NKAIN2: variants seen among roughly 807,000 people sequenced by gnomAD.
NKAIN2 encodes sodium/potassium-transporting ATPase subunit beta-1-interacting protein 2.
Under a neutral mutation model 32.6 loss-of-function variants are expected in NKAIN2, and 14 were observed. That is an observed-to-expected ratio of 0.43 (90% CI 0.28 to 0.67). The LOEUF (loss-of-function observed/expected upper bound fraction) is 0.67. Among genes scored for constraint, NKAIN2 ranks in the 30% least tolerant of loss-of-function variants. The pLI is 0.17. For missense variants in NKAIN2, 198 were observed against 258.3 expected (o/e 0.77, Z 1.60); for synonymous variants, 80 against 87.2 (o/e 0.92, Z 0.46).
At chr6:123,911,721 C>T (rs1359480828) in intron 1 of NKAIN2, among the ~76,000 whole-genome samples, 7 of 148,850 alleles carry the variant, frequency 4.7e-5, no homozygotes, top group Admixed American at 3.4e-4. Flanking sequence ...TCTTTATTTA[C>T]AGCAATAAGT....
intron 4 of NKAIN2, among the ~76,000 whole-genome samples, chr6:124,778,767 C>T (rs1184669821): frequency 6.6e-6 from 1 of 152,038 alleles, no homozygotes; most frequent in African/African-American, 2.4e-5. Context: ...CCATTCTCAA[C>T]CTCTGCCTGC....
At chr6:124,037,961 C>G (rs1465008800) in intron 1 of NKAIN2, among the ~76,000 whole-genome samples, 1 of 152,074 alleles carries the variant, frequency 6.6e-6, no homozygotes, top group Non-Finnish European at 1.5e-5. Context: ...TAGAAGTTAG[C>G]GACAGCAAGA....
intron 3 of NKAIN2, among the ~76,000 whole-genome samples, chr6:124,437,286 G>A (rs970194407): frequency 2.0e-5 from 3 of 152,258 alleles, no homozygotes; most frequent in Admixed American, 1.3e-4. Context: ...ATCCAGTGGC[G>A]CCATGCCTGG....
chr6:123,930,222 G>A (rs1271187599), intron 1 of NKAIN2, among the ~76,000 whole-genome samples: 3 of 152,202 alleles, frequency 2.0e-5, no homozygotes, highest in African/African-American at 7.2e-5. Flanking sequence ...ATAATTAAGG[G>A]CAAAGCTTCA....
At chr6:124,196,063 A>G (rs1276432890) in intron 1 of NKAIN2, among the ~76,000 whole-genome samples, 6 of 152,272 alleles carry the variant, frequency 3.9e-5, no homozygotes, top group South Asian at 4.1e-4. Flanking sequence ...TGGGTTTAAG[A>G]AAAGCTATTT....
intron 1 of NKAIN2, among the ~76,000 whole-genome samples, chr6:124,268,339 A>C (rs1339423099): frequency 6.6e-6 from 1 of 152,232 alleles, no homozygotes; most frequent in Non-Finnish European, 1.5e-5. Flanking sequence ...TCTGTGCTTT[A>C]GAGAGTTCCT....
chr6:124,431,079 A>G (rs1775198644), intron 3 of NKAIN2, among the ~76,000 whole-genome samples: 1 of 152,176 alleles, frequency 6.6e-6, no homozygotes, highest in Non-Finnish European at 1.5e-5. Flanking sequence ...ATTTTTAGAG[A>G]GACTAATTCC....
chr6:124,559,424 G>A (rs1057140912), intron 3 of NKAIN2, among the ~76,000 whole-genome samples: 3 of 152,156 alleles, frequency 2.0e-5, no homozygotes, highest in African/African-American at 7.2e-5. Context: ...ATGGATCAAT[G>A]TTCCTAGCCT....
rs1562367788 is a variant in NKAIN2, at chr6:124,759,648, CA to C, written c.475-31690del. Among the ~76,000 whole-genome samples the C allele has an allele frequency of 4.4e-4, 43 of 97,944 alleles. 1 individual carries two copies. The highest frequency in any genetic ancestry group is 1.1e-3 in the African/African-American group (33 of 30,836). The allele number at this position is 97,944 out of a possible 152,430, so 64.3% of individuals were successfully genotyped here. A position where few individuals can be genotyped will look rare whatever the true frequency, so the allele number is the denominator to read the frequency against. Reference sequence around the variant, plus strand: ...ACACACACACACACACACACACACACACACACACCCCCTATCTCCCTTTCCT... The same window carrying C: ...ACACACACACACACACACACACACACCACACACCCCCTATCTCCCTTTCCT... On this transcript the variant is annotated intron_variant, in intron 4 of 6. Coordinates refer to ENST00000368417, the MANE Select transcript of NKAIN2 (RefSeq NM_001040214.3).
At chr6:124,065,238 A>T (rs531337621) in intron 1 of NKAIN2, among the ~76,000 whole-genome samples, 2 of 151,976 alleles carry the variant, frequency 1.3e-5, no homozygotes, top group Admixed American at 1.3e-4. Context: ...ACACACACAC[A>T]CAACACTCAA....
chr6:124,503,765 T>C (rs866524513), intron 3 of NKAIN2, among the ~76,000 whole-genome samples: 4 of 152,126 alleles, frequency 2.6e-5, no homozygotes, highest in Non-Finnish European at 5.9e-5. Flanking sequence ...CTAAGAACAA[T>C]AGTCTAAGCC....
chr6:123,871,250 G>C (rs745479061), intron 1 of NKAIN2, among the ~76,000 whole-genome samples: 1 of 151,920 alleles, frequency 6.6e-6, no homozygotes, highest in Non-Finnish European at 1.5e-5. Context: ...CTTTGGCTTT[G>C]GTTCCCTTTT....
At chr6:124,138,622 T>TATA (rs987260029) in intron 1 of NKAIN2, among the ~76,000 whole-genome samples, 46 of 144,454 alleles carry the variant, frequency 3.2e-4, no homozygotes, top group African/African-American at 1.2e-3. Context: ...ATAAAGAATA[T>TATA]ATAATAATAA....
chr6:123,831,942 C>T (rs543627923), intron 1 of NKAIN2, among the ~76,000 whole-genome samples: 10 of 152,314 alleles, frequency 6.6e-5, no homozygotes, highest in African/African-American at 2.4e-4. Context: ...GCGTGAGCCA[C>T]CATGCCTGGC....
intron 3 of NKAIN2, among the ~76,000 whole-genome samples, chr6:124,378,718 G>A (rs1173058844): frequency 2.0e-5 from 3 of 152,042 alleles, no homozygotes; most frequent in East Asian, 3.9e-4. Context: ...CTTCCTGGAT[G>A]GTGGGGAAGA....
intron 1 of NKAIN2, among the ~76,000 whole-genome samples, chr6:124,126,925 G>A (rs1412377716): frequency 6.6e-6 from 1 of 152,038 alleles, no homozygotes; most frequent in Non-Finnish European, 1.5e-5. Context: ...CTCCAGCCTG[G>A]GTGACAGAAT....
At chr6:124,498,179 C>T (rs1247337342) in intron 3 of NKAIN2, among the ~76,000 whole-genome samples, 1 of 152,140 alleles carries the variant, frequency 6.6e-6, no homozygotes, top group African/African-American at 2.4e-5. Context: ...TTCCTGCACT[C>T]TTGAATACGA....
At chr6:124,657,792 GA>G (rs1281600901) in intron 3 of NKAIN2, among the ~76,000 whole-genome samples, 1 of 151,590 alleles carries the variant, frequency 6.6e-6, no homozygotes, top group South Asian at 2.1e-4. Context: ...CATTTTGAGA[GA>G]AAAAAATAAA....
chr6:124,049,741 A>T (rs1056204994), intron 1 of NKAIN2, among the ~76,000 whole-genome samples: 5 of 151,940 alleles, frequency 3.3e-5, no homozygotes, highest in African/African-American at 1.2e-4. Flanking sequence ...TACACTGAAG[A>T]CTCACTACCT....
Sources: gnomAD v4.1 joint callset for allele counts (sites outside exome capture counted in the v4.1 genomes callset) on GRCh38, gnomAD v4.1.1 for gene constraint, MANE v1.5 for transcripts, NCBI Gene and HGNC (gene_info 2026-07-23, HGNC 2026-07-21) for gene names.